Variants in RBFOX1 observed in about 807,000 individuals in gnomAD.
RBFOX1 encodes RNA binding fox-1 homolog 1.
Under a neutral mutation model 57.7 loss-of-function variants are expected in RBFOX1, and 8 were observed. That is an observed-to-expected ratio of 0.14 (90% confidence interval 0.08 to 0.25). The LOEUF (loss-of-function observed/expected upper bound fraction) is 0.25, where lower values mean the gene tolerates loss of function less well. Among genes scored for constraint, RBFOX1 ranks in the 10% least tolerant of loss-of-function variants. RBFOX1 has a pLI of 1.00. For missense variants in RBFOX1, 611 were observed against 548.5 expected (o/e 1.11, Z -1.14); for synonymous variants, 326 against 222.4 (o/e 1.47, Z -4.15).
intron 4 of RBFOX1, among the ~76,000 whole-genome samples, chr16:6,003,478 TC>T (rs2060637356): frequency 1.2e-5 from 1 of 80,938 alleles, no homozygotes; most frequent in Admixed American, 1.4e-4. Context: ...CCACCACCCC[TC>T]CCACCCGGCC....
chr16:6,303,001 G>A (rs535649272), intron 1 of RBFOX1, among the ~76,000 whole-genome samples: 2 of 152,294 alleles, frequency 1.3e-5, no homozygotes, highest in South Asian at 4.1e-4. Context: ...ACTTGGGGCA[G>A]ACCCCACTGC....
chr16:6,518,174 C>G (rs2096418031), intron 2 of RBFOX1, among the ~76,000 whole-genome samples: 1 of 152,150 alleles, frequency 6.6e-6, no homozygotes, highest in African/African-American at 2.4e-5. Context: ...ATAGCCTGCC[C>G]TGTGGTTTGT....
intron 3 of RBFOX1, among the ~76,000 whole-genome samples, chr16:6,761,290 C>G (rs557997174): frequency 6.6e-6 from 1 of 152,188 alleles, no homozygotes; most frequent in South Asian, 2.1e-4. Flanking sequence ...AGAGAACTGA[C>G]ACTTGGATAT....
intron 1 of RBFOX1, among the ~76,000 whole-genome samples, chr16:5,345,384 C>G (rs917276576): frequency 2.6e-5 from 4 of 152,196 alleles, no homozygotes; most frequent in African/African-American, 9.6e-5. Flanking sequence ...ACAAAGCACC[C>G]CATTCAAACC....
intron 4 of RBFOX1, among the ~76,000 whole-genome samples, chr16:7,430,554 C>G (rs544548906): frequency 5.3e-5 from 8 of 151,222 alleles, no homozygotes; most frequent in African/African-American, 9.7e-5. Context: ...CCCAGCTACT[C>G]GAGAGGCTGA....
chr16:6,421,084 A>G (rs2093758784), intron 2 of RBFOX1, among the ~76,000 whole-genome samples: 1 of 152,236 alleles, frequency 6.6e-6, no homozygotes, highest in African/African-American at 2.4e-5. Context: ...TTGTAAGTCA[A>G]TCACATGAAG....
intron 2 of RBFOX1, among the ~76,000 whole-genome samples, chr16:6,618,782 C>T (rs1236246610): frequency 6.6e-6 from 1 of 152,190 alleles, no homozygotes; most frequent in East Asian, 1.9e-4. Context: ...TCCACCAACA[C>T]AGTGTCCTTG....
intron 1 of RBFOX1, among the ~76,000 whole-genome samples, chr16:6,048,923 C>A (rs150490021): frequency 6.6e-6 from 1 of 152,006 alleles, no homozygotes; most frequent in Non-Finnish European, 1.5e-5. Context: ...ATGCTGAGTT[C>A]TAGCTATAGC....
intron 5 of RBFOX1, among the ~76,000 whole-genome samples, chr16:7,551,703 G>A (rs1442976563): frequency 6.6e-6 from 1 of 152,174 alleles, no homozygotes; most frequent in Admixed American, 6.5e-5. Context: ...GCTGGAATAG[G>A]CTGCCAAGGG....
intron 1 of RBFOX1, among the ~76,000 whole-genome samples, chr16:6,277,314 A>T (rs76529783): frequency 0.025 from 3,833 of 151,772 alleles, 56 homozygotes; most frequent in Non-Finnish European, 0.036. Context: ...TACGAAACTT[A>T]GCCAGGTGTG....
chr16:7,081,866 T>C (rs1244473940), intron 4 of RBFOX1, among the ~76,000 whole-genome samples: 1 of 152,202 alleles, frequency 6.6e-6, no homozygotes, highest in African/African-American at 2.4e-5. Flanking sequence ...GGTCAGTCTT[T>C]TTAGTGGCAT....
chr16:6,198,010 A>C (rs1181775373), intron 1 of RBFOX1, among the ~76,000 whole-genome samples: 1 of 152,214 alleles, frequency 6.6e-6, no homozygotes, highest in East Asian at 1.9e-4. Flanking sequence ...CATTGGACCA[A>C]AAGGTCTTTA....
intron 3 of RBFOX1, among the ~76,000 whole-genome samples, chr16:5,740,520 A>T (rs2052735774): frequency 6.6e-6 from 1 of 152,226 alleles, no homozygotes; most frequent in African/African-American, 2.4e-5. Flanking sequence ...GACTCAATTG[A>T]TTACACGTGA....
intron 2 of RBFOX1, among the ~76,000 whole-genome samples, chr16:6,364,456 C>G (rs530931693): frequency 5.3e-5 from 8 of 152,284 alleles, no homozygotes; most frequent in African/African-American, 1.7e-4. Context: ...AAGAGTATAA[C>G]TCCAAGGAAG....
chr16:6,821,559 TC>T (rs1355031027), intron 3 of RBFOX1, among the ~76,000 whole-genome samples: 1 of 152,126 alleles, frequency 6.6e-6, no homozygotes, highest in African/African-American at 2.4e-5. Flanking sequence ...CATTTCTCTC[TC>T]CCCCCAACCG....
At chr16:7,684,784 A>T (rs1345320191) in intron 14 of RBFOX1, among the ~76,000 whole-genome samples, 1 of 152,028 alleles carries the variant, frequency 6.6e-6, no homozygotes, top group Non-Finnish European at 1.5e-5. Context: ...GATGACTACT[A>T]CCAAACAGAA....
chr16:7,701,603 T>A (rs148877091), intron 14 of RBFOX1, among the ~76,000 whole-genome samples: 6 of 152,340 alleles, frequency 3.9e-5, no homozygotes, highest in African/African-American at 1.4e-4. Flanking sequence ...GGACTTCTCC[T>A]CTAGGTGTTT....
At chr16:5,650,728 C>T (rs1446577405) in intron 3 of RBFOX1, among the ~76,000 whole-genome samples, 3 of 152,110 alleles carry the variant, frequency 2.0e-5, no homozygotes, top group Admixed American at 6.5e-5. Flanking sequence ...TCTTCCCTTG[C>T]CTCTCTCCCT....
At chr16:6,844,733 C>T (rs747804896) in intron 3 of RBFOX1, among the ~76,000 whole-genome samples, 1 of 152,158 alleles carries the variant, frequency 6.6e-6, no homozygotes, top group Admixed American at 6.5e-5. Context: ...AATGGTATTT[C>T]TGCATCTAGG....
Sources: allele counts gnomAD v4.1 joint callset (sites outside exome capture counted in the v4.1 genomes callset), GRCh38; gene constraint gnomAD v4.1.1; transcripts MANE v1.5; gene names NCBI Gene and HGNC (gene_info 2026-07-23, HGNC 2026-07-21).